Variants in CHAMP1 observed in about 807,000 individuals in gnomAD.
CHAMP1 encodes chromosome alignment-maintaining phosphoprotein 1.
In CHAMP1, 4 loss-of-function variants were observed where a neutral mutation model predicts 54.5. The ratio of observed to expected loss-of-function variants is 0.07; its 90% CI spans 0.04 to 0.17. The LOEUF (loss-of-function observed/expected upper bound fraction) is 0.17, where lower values mean the gene tolerates loss of function less well. CHAMP1 is among the 10% of genes least tolerant of loss of function. The pLI is 1.00. For missense variants in CHAMP1, 994 were observed against 968.6 expected (o/e 1.03, Z -0.35); for synonymous variants, 368 against 342.2 (o/e 1.08, Z -0.83).
At chr13:114,317,479 C>T (rs995926449) in intron 1 of CHAMP1, among the ~76,000 whole-genome samples, 1 of 151,948 alleles carries the variant, frequency 6.6e-6, no homozygotes, top group Non-Finnish European at 1.5e-5. Context: ...AAAAAATTAG[C>T]CAGATGTGGT....
chr13:114,319,879 G>A (rs567557679), intron 1 of CHAMP1, among the ~76,000 whole-genome samples: 6 of 152,308 alleles, frequency 3.9e-5, no homozygotes, highest in Non-Finnish European at 8.8e-5. Context: ...GAATAGTCAG[G>A]GAGTTACATG....
Position 114,324,955 on chromosome 13 carries a change from A to C in CHAMP1, c.1113A>C (p.Lys371Asn). ...CATCTGTGTCTTCTGCATCCTGGAA[A>C]TCTTCATCAGTCTCACCCAGCTCCT... ...PTPSVSSASW[K>N]SSSVSPSSWK... Residue 371 changes from lysine to asparagine, a missense_variant, in exon 3 of 3, where the codon AAA becomes AAC. By Grantham distance (94) the Lys-to-Asn change is moderately conservative. Transcript: ENST00000361283. 6.2e-7 allele frequency: 1 copy of C among 1,613,908 alleles called. No individual in the cohort carries two copies.
Position 114,326,499 on chromosome 13 carries a change from G to C in CHAMP1, c.*218G>C, listed in dbSNP as rs2087253714. On this transcript the variant is annotated 3_prime_UTR_variant, in exon 3 of 3. Transcript: ENST00000361283. Reference sequence around the variant, plus strand: ...AGTCAATAAATTTCTGTATAGTCCAGATGGATTAAACTTCTCATTTCTTTT... The same window carrying C: ...AGTCAATAAATTTCTGTATAGTCCACATGGATTAAACTTCTCATTTCTTTT... 1 of 446,124 alleles carries C rather than the reference G, an allele frequency of 2.2e-6. No homozygotes were observed. Among genetic ancestry groups the C allele is most frequent in the Admixed American group, 4.0e-5 (1 of 24,692 alleles). 27.6% of individuals were successfully genotyped at this position (446,124 alleles called of 1,614,324 possible). A position where few individuals can be genotyped will look rare whatever the true frequency, so the allele number is the denominator to read the frequency against.
In CHAMP1 at chr13:114,323,883, T is replaced by C; in HGVS notation, c.41T>C (p.Leu14Ser). ...GAACTTCGTAAACCATCAGCACGTT[T>C]GGAGTGTGACCATTGCAGTTTCAGA... ...FQELRKPSAR[L>S]ECDHCSFRGT... The change falls in exon 3 of 3, where the codon TTG becomes TCG. Residue 14 changes from leucine (L) to serine (S), a missense_variant. Around this residue, in one of 3 missense-constraint regions of CHAMP1, gnomAD observed 84 missense variants for 120.7 expected, o/e 0.70. Transcript: ENST00000361283. 1 of 1,612,854 alleles carries C rather than the reference T, an allele frequency of 6.2e-7. No homozygotes were observed. Among genetic ancestry groups the C allele is most frequent in the Non-Finnish European group, 8.5e-7 (1 of 1,178,950 alleles).
At chr13:114,317,892 T>C (rs921116375) in intron 1 of CHAMP1, among the ~76,000 whole-genome samples, 2 of 152,188 alleles carry the variant, frequency 1.3e-5, no homozygotes, top group African/African-American at 4.8e-5. Context: ...GATTAGAATT[T>C]AGGTTTTTTA....
Position 114,324,954 on chromosome 13 carries a change from A to T in CHAMP1, c.1112A>T (p.Lys371Ile). ...CCATCTGTGTCTTCTGCATCCTGGA[A>T]ATCTTCATCAGTCTCACCCAGCTCC... ...PTPSVSSASW[K>I]SSSVSPSSWK... Residue 371 changes from lysine (K) to isoleucine (I), a missense_variant, in exon 3 of 3, where the codon AAA (lysine) becomes ATA (isoleucine). By Grantham distance (102) the Lys-to-Ile change is moderately radical. Around this residue, in one of 3 missense-constraint regions of CHAMP1, gnomAD observed 851 missense variants for 701.3 expected, o/e 1.21. Coordinates refer to ENST00000361283, the MANE Select transcript of CHAMP1 (RefSeq NM_032436.4). 1 of 1,613,880 alleles carries T rather than the reference A, an allele frequency of 6.2e-7. No individual in the cohort carries two copies. Among genetic ancestry groups the T allele is most frequent in the Non-Finnish European group, 8.5e-7 (1 of 1,179,986 alleles).
At chr13:114,315,306 G>C (rs1566787219) in intron 1 of CHAMP1, among the ~76,000 whole-genome samples, 1 of 152,154 alleles carries the variant, frequency 6.6e-6, no homozygotes, top group East Asian at 1.9e-4. Context: ...TTGAAGCTCG[G>C]GTGCATTGCT....
In CHAMP1 at chr13:114,324,793, T is replaced by C. The variant is rs144765511; in HGVS notation, c.951T>C (p.Pro317=). Reference sequence around the variant, plus strand: ...CAGGCTCTTGGAAACCAGGGCCACCTGGGTCCCCTAGGCCTTGGAAATCCA... The same window carrying C: ...CAGGCTCTTGGAAACCAGGGCCACCCGGGTCCCCTAGGCCTTGGAAATCCA... ...VSPGSWKPGP[P]GSPRPWKSNP... The change falls in exon 3 of 3, where the codon CCT becomes CCC. Residue 317 remains proline (P), a synonymous_variant. Transcript: ENST00000361283. 2,156 of 1,614,022 alleles carry C rather than the reference T, an allele frequency of 1.3e-3. 45 individuals are homozygous for C. The East Asian group carries it at 0.043, about 32-fold the overall frequency.
Position 114,325,480 on chromosome 13 carries a change from C to G in CHAMP1, c.1638C>G (p.Arg546=), listed in dbSNP as rs2087235929. 6.2e-7 allele frequency: 1 copy of G among 1,614,020 alleles called. No individual in the cohort carries two copies. The highest frequency in any genetic ancestry group is 1.7e-5 in the Admixed American group (1 of 59,998). ...CCCCTCCTGCTTCTCCAGAAGCACG[C>G]AAACGTGCCCTTTTTCCAGAGCCCC... is the stretch of plus-strand genomic sequence containing the variant. ...KTAPPASPEA[R]KRALFPEPRK... The change falls in exon 3 of 3, where the codon CGC becomes CGG. Residue 546 remains arginine, a synonymous_variant. Coordinates refer to ENST00000361283, the MANE Select transcript of CHAMP1 (RefSeq NM_032436.4).
At chr13:114,318,857 C>CTTTTTTTTTTTTTTTTTTTT (rs56669844) in intron 1 of CHAMP1, among the ~76,000 whole-genome samples, 20 of 24,196 alleles carry the variant, frequency 8.3e-4, no homozygotes, top group East Asian at 1.5e-3. Flanking sequence ...TCCTGGTTGC[C>CTTTTTTTTTTTTTTTTTTTT]TTTTTTTTTT....
intron 1 of CHAMP1, among the ~76,000 whole-genome samples, chr13:114,317,507 C>T (rs551125216): frequency 3.3e-5 from 5 of 152,116 alleles, no homozygotes; most frequent in African/African-American, 1.2e-4. Context: ...ACCTATGGTC[C>T]CAGCTACTTA....
rs1416799457 is a variant in CHAMP1 at position 114,316,881 on chromosome 13, C to G, written c.-179+2238C>G. ...TGGATGTTGGAGCATAATCAGATTTCAGATTTTCAGATTAGGGATGCTCAG... is the reference window on the plus strand; with the variant it reads ...TGGATGTTGGAGCATAATCAGATTTGAGATTTTCAGATTAGGGATGCTCAG... On this transcript the variant is annotated intron_variant, in intron 1 of 2. Transcript: ENST00000361283. Among the ~76,000 whole-genome samples the G allele has an allele frequency of 2.0e-5, 3 of 151,830 alleles. No individual in the cohort carries two copies. The East Asian group carries it at 5.8e-4, about 30-fold the overall frequency.
intron 1 of CHAMP1, among the ~76,000 whole-genome samples, chr13:114,315,840 T>TG (rs988350784): frequency 1.1e-4 from 17 of 151,538 alleles, no homozygotes; most frequent in African/African-American, 3.2e-4. Context: ...GTTTTGTTTT[T>TG]TTTTTTTTTT....
rs782652236 is a variant in CHAMP1 at position 114,326,291 on chromosome 13, G to A, written c.*10G>A. On this transcript the variant is annotated 3_prime_UTR_variant, in exon 3 of 3. Transcript: ENST00000361283. Reference sequence around the variant, plus strand: ...GGAGCAGCAAATTTGATAACACAGTGTGAATATTTGTTCTACAAAGGTGTT... The same window carrying A: ...GGAGCAGCAAATTTGATAACACAGTATGAATATTTGTTCTACAAAGGTGTT... The A allele has an allele frequency of 1.9e-6, 3 of 1,549,942 alleles. No homozygotes were observed. The highest frequency in any genetic ancestry group is 1.7e-6 in the Non-Finnish European group (2 of 1,152,392).
chr13:114,320,413 C>T (rs184861329), intron 1 of CHAMP1, among the ~76,000 whole-genome samples: 1 of 152,224 alleles, frequency 6.6e-6, no homozygotes, highest in Admixed American at 6.5e-5. Flanking sequence ...GTGTCCCTTC[C>T]TCCACTGCCT....
At position 114,319,443 on chromosome 13, in the gene CHAMP1, C is replaced by T. The variant is rs140351923; in HGVS notation, c.-178-1667C>T. On this transcript the variant is annotated intron_variant, in intron 1 of 2. Coordinates refer to ENST00000361283, the MANE Select transcript of CHAMP1 (RefSeq NM_032436.4). ...GTGAATAAAGGGATAATAGTCCCTCCTCTCCAGGAGCTGGCATCCTGTTTT... is the reference window on the plus strand; with the variant it reads ...GTGAATAAAGGGATAATAGTCCCTCTTCTCCAGGAGCTGGCATCCTGTTTT... Among the ~76,000 whole-genome samples the T allele has an allele frequency of 2.9e-3, 447 of 152,274 alleles. 1 individual carries two copies. Among genetic ancestry groups the T allele is most frequent in the African/African-American group, 9.9e-3 (413 of 41,530 alleles).
chr13:114,325,238 C>A lies in CHAMP1; in HGVS notation c.1396C>A (p.Pro466Thr). ...AACTTCTCCTGCTTCACTTGATTTC[C>A]CTGAGTCCCAGAAAAGTTCCCGTGG... ...RKTSPASLDF[P>T]ESQKSSRGGS... The change falls in exon 3 of 3, where the codon CCT (proline) becomes ACT (threonine). Residue 466 changes from proline (P) to threonine (T), a missense_variant. Physicochemically the swap from Pro to Thr is conservative, Grantham distance 38. Around this residue, in one of 3 missense-constraint regions of CHAMP1, gnomAD observed 851 missense variants for 701.3 expected, o/e 1.21. Coordinates refer to ENST00000361283, the MANE Select transcript of CHAMP1 (RefSeq NM_032436.4). 2 of 1,614,150 alleles carry A rather than the reference C, an allele frequency of 1.2e-6. No homozygotes were observed. Among genetic ancestry groups the A allele is most frequent in the Non-Finnish European group, 8.5e-7 (1 of 1,180,020 alleles).
At position 114,324,914 on chromosome 13, in the gene CHAMP1, C is replaced by T. The variant is rs1008138305; in HGVS notation, c.1072C>T (p.Pro358Ser). ...ACCAATTCCTTCTGTATCTCCTGGA[C>T]CTTGGAAACCAACTCCATCTGTGTC... ...WKPIPSVSPG[P>S]WKPTPSVSSA... The change falls in exon 3 of 3, where the codon CCT becomes TCT. Residue 358 changes from proline to serine, a missense_variant. Physicochemically the swap from Pro to Ser is moderately conservative, Grantham distance 74 (BLOSUM62 -1). Transcript: ENST00000361283. The T allele has an allele frequency of 6.2e-7, 1 of 1,614,128 alleles. No individual in the cohort carries two copies. Among genetic ancestry groups the T allele is most frequent in the Non-Finnish European group, 8.5e-7 (1 of 1,180,004 alleles).
At chr13:114,315,222 G>T (rs2087081076) in intron 1 of CHAMP1, among the ~76,000 whole-genome samples, 1 of 152,100 alleles carries the variant, frequency 6.6e-6, no homozygotes, top group Non-Finnish European at 1.5e-5. Context: ...AAACCACAAT[G>T]AGATACCACC....
Sources: gnomAD v4.1 joint callset for allele counts (sites outside exome capture counted in the v4.1 genomes callset) on GRCh38, gnomAD v4.1.1 for gene constraint, gnomAD v4.1.1 regional missense constraint, MANE v1.5 for transcripts, NCBI Gene and HGNC (gene_info 2026-07-23, HGNC 2026-07-21) for gene names.